FBN1: variants seen among roughly 807,000 people sequenced by gnomAD.
FBN1 encodes the protein fibrillin 1.
FBN1 carries 29 observed loss-of-function variants against 365.1 expected under a neutral mutation model. The ratio of observed to expected loss-of-function variants is 0.08; its 90% CI spans 0.06 to 0.11. FBN1 has a LOEUF of 0.11. FBN1 is among the 10% of genes least tolerant of loss of function. The probability of loss-of-function intolerance (pLI) is 1.00; values close to 1 mark genes in which losing one functional copy is unlikely to be tolerated. For synonymous variants in FBN1, 1,210 were observed against 1,270.5 expected, an observed-to-expected ratio of 0.95 and a Z score of 1.01; for missense variants, 2,476 against 3,703.2, an observed-to-expected ratio of 0.67 and a Z score of 8.60.
chr15:48,642,986 CA>C (rs1890224988), intron 2 of FBN1: 1 of 152,206 alleles, frequency 6.6e-6, no homozygotes, highest in Non-Finnish European at 1.5e-5. Flanking sequence ...CAAGGGAACA[CA>C]CTAGTTGGTG....
chr15:48,422,157 T>A (rs546618856), intron 60 of FBN1, 89 bp from the exon 61 acceptor site: 5 of 877,406 alleles, frequency 5.7e-6, no homozygotes, highest in African/African-American at 3.3e-5. Context: ...CACGTTTGAT[T>A]TGGAGGTCTC....
chr15:48,588,615 A>G (rs1291223089), intron 6 of FBN1, among the ~76,000 whole-genome samples: 2 of 152,256 alleles, frequency 1.3e-5, no homozygotes, highest in African/African-American at 4.8e-5. Context: ...CAAAATTTCA[A>G]TTGAACCACC....
rs1358783146 is a variant in FBN1, at chr15:48,432,964, G to C, written c.6641C>G (p.Pro2214Arg). ...CACACATCGGAAGGCACAGAGCAGA[G>C]GATTCTGGGCACATTCATTTATATC... Reference protein sequence around the residue: ...CEDINECAQNPLLCAFRCVNT... With the variant: ...CEDINECAQNRLLCAFRCVNT... The change falls in exon 55 of 66, where the codon CCT becomes CGT. Residue 2214 changes from proline (P) to arginine (R), a missense_variant. Physicochemically the swap from Pro to Arg is moderately radical, Grantham distance 103 (BLOSUM62 -2). Around this residue, in one of 5 missense-constraint regions of FBN1, gnomAD observed 1,780 missense variants for 2,840.8 expected, o/e 0.63. Coordinates refer to ENST00000316623, the MANE Select transcript of FBN1 (RefSeq NM_000138.5). 2.5e-6 allele frequency: 4 copies of C among 1,613,550 alleles called. No individual in the cohort carries two copies. The South Asian group carries it at 4.4e-5, about 18-fold the overall frequency.
chr15:48,419,692 C>G (rs2042925502), intron 63 of FBN1, among the ~76,000 whole-genome samples: 1 of 152,114 alleles, frequency 6.6e-6, no homozygotes, highest in African/African-American at 2.4e-5. Context: ...GAAAACACAC[C>G]AAATATGTCT....
chr15:48,615,618 G>A (rs960876160), intron 2 of FBN1, among the ~76,000 whole-genome samples: 51 of 152,188 alleles, frequency 3.4e-4, no homozygotes, highest in African/African-American at 1.2e-3. Context: ...GACATAACTC[G>A]GGAAACAATT....
chr15:48,610,948 T>TA, intron 3 of FBN1, 122 bp from the exon 4 acceptor site: 1 of 746,060 alleles, frequency 1.3e-6, no homozygotes, highest in Non-Finnish European at 2.4e-6. Flanking sequence ...TATCATGACT[T>TA]ATATGACCTT....
chr15:48,443,743 C>T (rs1197950809), intron 49 of FBN1, among the ~76,000 whole-genome samples: 1 of 152,086 alleles, frequency 6.6e-6, no homozygotes, highest in Non-Finnish European at 1.5e-5. Flanking sequence ...AATTAATGTC[C>T]TTCACTTAAT....
Position 48,492,580 on chromosome 15 carries a change from T to C in FBN1, c.2735A>G (p.Asp912Gly), listed in dbSNP as rs754919275. 7 of 1,601,720 alleles carry C rather than the reference T, an allele frequency of 4.4e-6. No homozygotes were observed. In the African/African-American group the frequency reaches 6.7e-5, roughly 15 times the overall value. Residue 912 changes from aspartate (D) to glycine (G), a missense_variant, in exon 24 of 66, where the codon GAT (aspartate) becomes GGT (glycine). By Grantham distance (94) the Asp-to-Gly change is moderately conservative. Transcript: ENST00000316623. ...RIKGTQCEDI[D>G]ECEVFPGVCK... ...CACTCCTGGGAACACTTCACATTCA[T>C]CTATATCTAAAAAGAAAAAAAAAGT...
chr15:48,553,776 T>C (rs2044160071), intron 6 of FBN1, among the ~76,000 whole-genome samples: 1 of 152,206 alleles, frequency 6.6e-6, no homozygotes, highest in Non-Finnish European at 1.5e-5. Flanking sequence ...AGCCCTTTAA[T>C]ACAGGAAATT....
chr15:48,591,506 G>T (rs1278971732), intron 6 of FBN1, among the ~76,000 whole-genome samples: 2 of 152,152 alleles, frequency 1.3e-5, no homozygotes. Context: ...ACATTTATAT[G>T]TCCTGTAAAC....
At chr15:48,628,040 C>T (rs890665325) in intron 2 of FBN1, among the ~76,000 whole-genome samples, 1 of 152,248 alleles carries the variant, frequency 6.6e-6, no homozygotes, top group Admixed American at 6.5e-5. Flanking sequence ...CCTGTCATTT[C>T]ACCCAGGAGT....
At position 48,497,362 on chromosome 15, in the gene FBN1, T is replaced by C. The variant is rs535275692; in HGVS notation, c.2197A>G (p.Ile733Val). The change falls in exon 19 of 66, where the codon ATT becomes GTT. Residue 733 changes from isoleucine (I) to valine (V), a missense_variant. Coordinates refer to ENST00000316623, the MANE Select transcript of FBN1 (RefSeq NM_000138.5). ...TTTTCACAGATTCCATTTGGGCAAA[T>C]ATCAGGATCTAGTGCACATTCATTT... is the stretch of plus-strand genomic sequence containing the variant. ...DINECALDPDICPNGICENLR... is the reference protein window; with the variant it reads ...DINECALDPDVCPNGICENLR... 11 of 1,613,938 alleles carry C rather than the reference T, an allele frequency of 6.8e-6. No homozygotes were observed. In the South Asian group the frequency reaches 9.9e-5, roughly 14 times the overall value.
chr15:48,622,695 C>G (rs1348943443), intron 2 of FBN1, among the ~76,000 whole-genome samples: 1 of 152,118 alleles, frequency 6.6e-6, no homozygotes, highest in Non-Finnish European at 1.5e-5. Flanking sequence ...TTATTAGGTT[C>G]AGATATCTAC....
chr15:48,623,761 C>T (rs190800055), intron 2 of FBN1, among the ~76,000 whole-genome samples: 1 of 152,288 alleles, frequency 6.6e-6, no homozygotes, highest in Admixed American at 6.5e-5. Flanking sequence ...TGGAGTAACT[C>T]ACAGCACAAG....
chr15:48,597,706 G>A (rs1275854122), intron 5 of FBN1, among the ~76,000 whole-genome samples: 1 of 152,160 alleles, frequency 6.6e-6, no homozygotes, highest in Non-Finnish European at 1.5e-5. Flanking sequence ...TATGGCAGGA[G>A]GCCATTACTC....
intron 6 of FBN1, among the ~76,000 whole-genome samples, chr15:48,595,153 C>T (rs1223053130): frequency 6.6e-6 from 1 of 152,142 alleles, no homozygotes; most frequent in Non-Finnish European, 1.5e-5. Flanking sequence ...ATTTCTTGCT[C>T]AAATAGGTAT....
At chr15:48,453,143 C>T (rs1484991809) in intron 44 of FBN1, among the ~76,000 whole-genome samples, 1 of 151,894 alleles carries the variant, frequency 6.6e-6, no homozygotes, top group Non-Finnish European at 1.5e-5. Flanking sequence ...GCAATCCCAG[C>T]TACTTGGGAA....
In FBN1 at chr15:48,576,682, T is replaced by C. The variant is rs563004973; in HGVS notation, c.538+19601A>G. 1.2e-4 allele frequency among the ~76,000 whole-genome samples: 18 copies of C among 152,284 alleles called. No homozygotes were observed. The South Asian group carries it at 3.5e-3, about 30-fold the overall frequency. ...TCATTCATTCATTCAACAATTTTTA[T>C]CAAGAGCCTACTAAGTGTCACACAC... On this transcript the variant is annotated intron_variant, in intron 6 of 65. Coordinates refer to ENST00000316623, the MANE Select transcript of FBN1 (RefSeq NM_000138.5).
At chr15:48,436,840 G>A (rs1856973367) in intron 53 of FBN1, 121 bp downstream of exon 53, 2 of 764,216 alleles carry the variant, frequency 2.6e-6, no homozygotes, top group South Asian at 1.4e-5. Flanking sequence ...TGATGTATGA[G>A]TGGATGGATA....
Sources: gnomAD v4.1 joint callset for allele counts (sites outside exome capture counted in the v4.1 genomes callset) on GRCh38, gnomAD v4.1.1 for gene constraint, gnomAD v4.1.1 regional missense constraint, MANE v1.5 for transcripts, NCBI Gene and HGNC (gene_info 2026-07-23, HGNC 2026-07-21) for gene names.